Variants in RPAP2 observed in about 807,000 individuals in gnomAD.
RPAP2 encodes RNA polymerase II associated protein 2, also known as putative RNA polymerase II subunit B1 CTD phosphatase RPAP2.
Under a neutral mutation model 73.1 loss-of-function variants are expected in RPAP2, and 52 were observed. The ratio of observed to expected loss-of-function variants is 0.71; its 90% confidence interval spans 0.57 to 0.90. The LOEUF (loss-of-function observed/expected upper bound fraction) is 0.90. RPAP2 is among the 40% of genes least tolerant of loss of function. The pLI is 0.00. For synonymous variants in RPAP2, 225 were observed against 242.1 expected, an observed-to-expected ratio of 0.93 and a Z score of 0.65; for missense variants, 598 against 701.8, an observed-to-expected ratio of 0.85 and a Z score of 1.67.
At chr1:92,322,140 T>C (rs1197941476) in intron 7 of RPAP2, among the ~76,000 whole-genome samples, 1 of 151,492 alleles carries the variant, frequency 6.6e-6, no homozygotes, top group Non-Finnish European at 1.5e-5. Flanking sequence ...GAGACAGGGT[T>C]TCACTATGTT....
intron 6 of RPAP2, among the ~76,000 whole-genome samples, chr1:92,317,786 C>A (rs1652009193): frequency 6.6e-6 from 1 of 152,132 alleles, no homozygotes; most frequent in Admixed American, 6.5e-5. Flanking sequence ...ATACAATTTT[C>A]TTTTAATTCT....
intron 11 of RPAP2, among the ~76,000 whole-genome samples, chr1:92,359,806 G>C (rs1390838594): frequency 6.6e-6 from 1 of 152,198 alleles, no homozygotes; most frequent in Non-Finnish European, 1.5e-5. Flanking sequence ...AATGGCAAGA[G>C]GCAGAGGATG....
chr1:92,318,896 G>T (rs1652082544), intron 6 of RPAP2, among the ~76,000 whole-genome samples: 4 of 152,168 alleles, frequency 2.6e-5, no homozygotes, highest in Admixed American at 2.6e-4. Flanking sequence ...GCTGATAACT[G>T]AGTAGGAAAT....
chr1:92,370,132 G>A (rs1380023714), intron 11 of RPAP2, among the ~76,000 whole-genome samples: 13 of 152,158 alleles, frequency 8.5e-5, no homozygotes, highest in African/African-American at 1.2e-4. Flanking sequence ...TGATCCGCCC[G>A]CATCAGCCTC....
At chr1:92,385,967 G>T (rs184736445) in intron 12 of RPAP2, among the ~76,000 whole-genome samples, 1 of 152,088 alleles carries the variant, frequency 6.6e-6, no homozygotes, top group Non-Finnish European at 1.5e-5. Context: ...TGGCAGGATC[G>T]CACTCCTCAT....
chr1:92,370,906 A>T (rs186034856), intron 11 of RPAP2, among the ~76,000 whole-genome samples: 28 of 152,378 alleles, frequency 1.8e-4, no homozygotes, highest in Non-Finnish European at 2.8e-4. Context: ...AGACCTATAG[A>T]TAACAAGCAT....
intron 6 of RPAP2, among the ~76,000 whole-genome samples, chr1:92,313,334 T>C (rs964551072): frequency 6.6e-6 from 1 of 152,206 alleles, no homozygotes; most frequent in African/African-American, 2.4e-5. Context: ...GGCTGCAGAA[T>C]GGATATTGTG....
intron 6 of RPAP2, among the ~76,000 whole-genome samples, chr1:92,310,456 C>T (rs1396522291): frequency 1.3e-5 from 2 of 152,086 alleles, no homozygotes; most frequent in South Asian, 2.1e-4. Context: ...CTGAGTCAGT[C>T]TTCCTTTAGG....
rs370315803 is a variant in RPAP2 at position 92,336,418 on chromosome 1, G to A, written c.1610G>A (p.Arg537Gln). 65 of 1,593,894 alleles carry A rather than the reference G, an allele frequency of 4.1e-5. No homozygotes were observed. Among genetic ancestry groups the A allele is most frequent in the East Asian group, 9.0e-5 (4 of 44,632 alleles). Residue 537 changes from arginine to glutamine, a missense_variant, in exon 10 of 13, where the codon CGA becomes CAA. Arg to Gln is a conservative substitution (Grantham distance 43, BLOSUM62 1). Coordinates refer to ENST00000610020, the MANE Select transcript of RPAP2 (RefSeq NM_024813.3). ...TACACACAACTTAAAAATCTTGTTCGAACTTTCAGGTTAGTGTTTATATTA... is the reference window on the plus strand; with the variant it reads ...TACACACAACTTAAAAATCTTGTTCAAACTTTCAGGTTAGTGTTTATATTA... ...DIYTQLKNLV[R>Q]TFRLTNRNII...
At chr1:92,301,704 G>C in intron 3 of RPAP2, 114 bp downstream of exon 3, 1 of 450,474 alleles carries the variant, frequency 2.2e-6, no homozygotes, top group Non-Finnish European at 3.9e-6. Context: ...GTCATTAGAT[G>C]CAGATAACAA....
rs549917716 is a variant in RPAP2, at chr1:92,390,735, G to A, written c.*3724G>A. On this transcript the variant is annotated 3_prime_UTR_variant, in exon 13 of 13. Coordinates refer to ENST00000610020, the MANE Select transcript of RPAP2 (RefSeq NM_024813.3). Reference sequence around the variant, plus strand: ...CAAATGGAAAGCAGAAAAAAGCAGGGGTTGCAATCCTAGTCTCTGATAAAA... The same window carrying A: ...CAAATGGAAAGCAGAAAAAAGCAGGAGTTGCAATCCTAGTCTCTGATAAAA... 2.6e-5 allele frequency: 4 copies of A among 151,986 alleles called. No homozygotes were observed. Among genetic ancestry groups the A allele is most frequent in the Non-Finnish European group, 5.9e-5 (4 of 68,014 alleles). The allele number at this position is 151,986 out of a possible 1,614,324, so 9.4% of individuals were successfully genotyped here.
intron 8 of RPAP2, among the ~76,000 whole-genome samples, chr1:92,332,516 A>C (rs1055671404): frequency 3.3e-5 from 5 of 152,262 alleles, no homozygotes; most frequent in African/African-American, 1.2e-4. Flanking sequence ...AAAATTACAG[A>C]GATAACTGGA....
In RPAP2 at chr1:92,318,721, G is replaced by C. The variant is rs138548906; in HGVS notation, c.489-1878G>C. Reference sequence around the variant, plus strand: ...CTTTCTCTCCTGGGCCTTGCTTTATGATTTATTTGTATTCTGCCTCCTTTG... The same window carrying C: ...CTTTCTCTCCTGGGCCTTGCTTTATCATTTATTTGTATTCTGCCTCCTTTG... On this transcript the variant is annotated intron_variant, in intron 6 of 12. Transcript: ENST00000610020. 4.6e-5 allele frequency among the ~76,000 whole-genome samples: 7 copies of C among 152,016 alleles called. No individual in the cohort carries two copies. The South Asian group carries it at 1.5e-3, about 32-fold the overall frequency.
chr1:92,362,930 C>T (rs1050723173), intron 11 of RPAP2, among the ~76,000 whole-genome samples: 1 of 152,100 alleles, frequency 6.6e-6, no homozygotes, highest in Non-Finnish European at 1.5e-5. Flanking sequence ...ACAACTTTTA[C>T]ATGCTCCAAA....
chr1:92,367,408 A>T (rs955040319), intron 11 of RPAP2, among the ~76,000 whole-genome samples: 5 of 152,200 alleles, frequency 3.3e-5, no homozygotes, highest in Admixed American at 2.6e-4. Flanking sequence ...ATTTGTTTTA[A>T]TTGGTTAAAG....
At chr1:92,382,055 T>C (rs528607083) in intron 12 of RPAP2, among the ~76,000 whole-genome samples, 19 of 152,090 alleles carry the variant, frequency 1.2e-4, no homozygotes, top group African/African-American at 4.3e-4. Flanking sequence ...TTGCTGAGAA[T>C]GATGGTTTCC....
chr1:92,380,278 C>CA lies in RPAP2; in HGVS notation c.1689-433dup, dbSNP rs66801616. 7.2e-3 allele frequency among the ~76,000 whole-genome samples: 847 copies of CA among 117,018 alleles called. 1 individual carries two copies. The highest frequency in any genetic ancestry group is 0.019 in the Middle Eastern group (4 of 206). 76.8% of individuals were successfully genotyped at this position (117,018 alleles called of 152,430 possible). ...AGATGACAGAAGCGAGACTCTGCCT[C>CA]AAAAAAAAAAAAACAAATAAAATTT... On this transcript the variant is annotated intron_variant, in intron 11 of 12. Coordinates refer to ENST00000610020, the MANE Select transcript of RPAP2 (RefSeq NM_024813.3).
At chr1:92,386,884 G>A in intron 12 of RPAP2, 127 bp from the exon 13 acceptor site, 1 of 624,134 alleles carries the variant, frequency 1.6e-6, no homozygotes. Context: ...GGGTTTTTTT[G>A]TATTTTTAGT....
At chr1:92,328,521 A>G (rs1048781610) in intron 8 of RPAP2, among the ~76,000 whole-genome samples, 3 of 151,988 alleles carry the variant, frequency 2.0e-5, no homozygotes, top group Non-Finnish European at 2.9e-5. Context: ...TATGCTATCT[A>G]TTTCACTGGA....
Sources: gnomAD v4.1 joint callset for allele counts (sites outside exome capture counted in the v4.1 genomes callset) on GRCh38, gnomAD v4.1.1 for gene constraint, MANE v1.5 for transcripts, NCBI Gene and HGNC (gene_info 2026-07-23, HGNC 2026-07-21) for gene names.